Variants in KCNIP4 observed in about 807,000 individuals in gnomAD.
The protein encoded by KCNIP4 is potassium voltage-gated channel interacting protein 4, also known as Kv channel-interacting protein 4.
KCNIP4 carries 12 observed loss-of-function variants against 34.0 expected under a neutral mutation model. The ratio of observed to expected loss-of-function variants is 0.35; its 90% confidence interval spans 0.23 to 0.57. The LOEUF (loss-of-function observed/expected upper bound fraction) is 0.57. Ranked by LOEUF, KCNIP4 falls within the 20% of genes least tolerant of loss-of-function variation. The pLI is 0.83. For missense variants in KCNIP4, 238 were observed against 311.7 expected (o/e 0.76, Z 1.78); for synonymous variants, 124 against 102.2 (o/e 1.21, Z -1.29).
chr4:20,916,432 G>T, intron 1 of KCNIP4: 1 of 754,498 alleles, frequency 1.3e-6, no homozygotes, highest in Non-Finnish European at 1.6e-6. Flanking sequence ...GAAAATATAT[G>T]TGTGGTTTCT....
chr4:21,929,354 T>C (rs897721001), intron 1 of KCNIP4, among the ~76,000 whole-genome samples: 1 of 152,174 alleles, frequency 6.6e-6, no homozygotes, highest in Admixed American at 6.5e-5. Context: ...TTTTCAATAA[T>C]TGTTAACTAG....
intron 1 of KCNIP4, among the ~76,000 whole-genome samples, chr4:21,184,022 G>A (rs575108862): frequency 6.6e-6 from 1 of 151,902 alleles, no homozygotes; most frequent in East Asian, 1.9e-4. Context: ...CTTGTATATT[G>A]CTGCTTGTTT....
intron 1 of KCNIP4, among the ~76,000 whole-genome samples, chr4:21,401,904 A>G (rs1723591698): frequency 6.6e-6 from 1 of 152,226 alleles, no homozygotes; most frequent in South Asian, 2.1e-4. Context: ...CATGCTATTT[A>G]TACCTCTAGC....
At chr4:21,768,941 T>G (rs746927004) in intron 1 of KCNIP4, among the ~76,000 whole-genome samples, 2 of 152,126 alleles carry the variant, frequency 1.3e-5, no homozygotes, top group Non-Finnish European at 2.9e-5. Context: ...TGGAATTTTT[T>G]TCAATTTTTT....
At chr4:20,762,798 A>G (rs1264681307) in intron 3 of KCNIP4, among the ~76,000 whole-genome samples, 1 of 152,188 alleles carries the variant, frequency 6.6e-6, no homozygotes, top group East Asian at 1.9e-4. Context: ...GTGTTAGTTC[A>G]TTTCCACACT....
chr4:20,766,177 A>C (rs1188965719), intron 3 of KCNIP4, among the ~76,000 whole-genome samples: 5 of 152,188 alleles, frequency 3.3e-5, no homozygotes, highest in Admixed American at 3.3e-4. Context: ...CATTTTACAA[A>C]TGAATGAACT....
At chr4:21,551,491 T>C (rs1256153222) in intron 1 of KCNIP4, among the ~76,000 whole-genome samples, 2 of 152,142 alleles carry the variant, frequency 1.3e-5, no homozygotes, top group African/African-American at 2.4e-5. Context: ...TTCATAGAAA[T>C]GTGACAGTCC....
At chr4:21,919,592 G>C (rs1728828399) in intron 1 of KCNIP4, among the ~76,000 whole-genome samples, 2 of 152,230 alleles carry the variant, frequency 1.3e-5, no homozygotes, top group African/African-American at 4.8e-5. Context: ...AATATGCCCA[G>C]CTCCTGGGAT....
At chr4:21,684,270 C>A (rs1408544733) in intron 1 of KCNIP4, among the ~76,000 whole-genome samples, 4 of 152,108 alleles carry the variant, frequency 2.6e-5, no homozygotes, top group Non-Finnish European at 4.4e-5. Context: ...TTCACATTTC[C>A]CATGACTACT....
In KCNIP4 at chr4:21,757,198, GGAAAGAAAGAAAGAAAGAAA is replaced by G. The variant is rs1184733064; in HGVS notation, c.61+191353_61+191372del. Among the ~76,000 whole-genome samples the G allele has an allele frequency of 1.5e-4, 6 of 39,566 alleles. 1 individual carries two copies. The Admixed American group carries it at 1.6e-3, about 10-fold the overall frequency. 26.0% of individuals were successfully genotyped at this position (39,566 alleles called of 152,430 possible). ...AGGAAGGAAGGAAGGAAGGAAGGAAGGAAAGAAAGAAAGAAAGAAAGAAAGAAAGAAAGAAAGAAAGAAAG... is the reference window on the plus strand; with the variant it reads ...AGGAAGGAAGGAAGGAAGGAAGGAAGGAAAGAAAGAAAGAAAGAAAGAAAG... On this transcript the variant is annotated intron_variant, in intron 1 of 8. Transcript: ENST00000382152.
At chr4:21,460,212 A>G (rs971862426) in intron 1 of KCNIP4, among the ~76,000 whole-genome samples, 6 of 151,534 alleles carry the variant, frequency 4.0e-5, no homozygotes, top group Non-Finnish European at 8.8e-5. Context: ...GGCATTCACA[A>G]AATTGCTTGC....
At chr4:21,263,954 C>A (rs996964620) in intron 1 of KCNIP4, among the ~76,000 whole-genome samples, 4 of 151,584 alleles carry the variant, frequency 2.6e-5, no homozygotes, top group Non-Finnish European at 4.4e-5. Context: ...CATGCCCAGC[C>A]CAATATATAT....
intron 1 of KCNIP4, among the ~76,000 whole-genome samples, chr4:21,323,522 T>C (rs1019345193): frequency 6.6e-6 from 1 of 152,100 alleles, no homozygotes; most frequent in Admixed American, 6.5e-5. Context: ...GAAGTTTGTC[T>C]TTCTGTGCCT....
At chr4:21,336,466 A>G (rs899665264) in intron 1 of KCNIP4, among the ~76,000 whole-genome samples, 1 of 152,086 alleles carries the variant, frequency 6.6e-6, no homozygotes. Context: ...TTTTTATTCT[A>G]TTCATCAAGG....
chr4:21,383,498 C>CAAA (rs58025914), intron 1 of KCNIP4, among the ~76,000 whole-genome samples: 2 of 114,096 alleles, frequency 1.8e-5, no homozygotes, highest in Admixed American at 9.2e-5. Flanking sequence ...AGTAGCAAGA[C>CAAA]AAAAAAAAAA....
chr4:20,942,618 G>A (rs572140821), intron 1 of KCNIP4, among the ~76,000 whole-genome samples: 1 of 152,302 alleles, frequency 6.6e-6, no homozygotes, highest in East Asian at 1.9e-4. Context: ...TGTTCAAAGT[G>A]ATGGTAGGTC....
chr4:20,962,931 T>C (rs957814493), intron 1 of KCNIP4, among the ~76,000 whole-genome samples: 1 of 152,174 alleles, frequency 6.6e-6, no homozygotes, highest in Non-Finnish European at 1.5e-5. Flanking sequence ...CAGAAGAATA[T>C]TGGTGAGTCA....
At chr4:21,046,585 T>TTATTTATTTATTTATTTATTTATC (rs1553931107) in intron 1 of KCNIP4, among the ~76,000 whole-genome samples, 66 of 150,832 alleles carry the variant, frequency 4.4e-4, no homozygotes, top group African/African-American at 1.1e-3. Flanking sequence ...GCTAATTTAT[T>TTATTTATTTATTTATTTATTTATC]TATTTATTTA....
At chr4:21,310,561 C>A (rs1171134114) in intron 1 of KCNIP4, among the ~76,000 whole-genome samples, 6 of 152,090 alleles carry the variant, frequency 3.9e-5, no homozygotes, top group Non-Finnish European at 8.8e-5. Context: ...CAAATTTGAC[C>A]CTTCAAAATG....
Sources: gnomAD v4.1 joint callset for allele counts (sites outside exome capture counted in the v4.1 genomes callset) on GRCh38, gnomAD v4.1.1 for gene constraint, MANE v1.5 for transcripts, NCBI Gene and HGNC (gene_info 2026-07-23, HGNC 2026-07-21) for gene names.